SDC2: variants seen among roughly 807,000 people sequenced by gnomAD.
SDC2 encodes the protein syndecan-2.
Under a neutral mutation model 22.2 loss-of-function variants are expected in SDC2, and 13 were observed. That is an observed-to-expected ratio of 0.59 (90% CI 0.38 to 0.93). SDC2 has a LOEUF of 0.93. SDC2 is among the 40% of genes least tolerant of loss of function. The probability of loss-of-function intolerance (pLI) is 0.00; values close to 1 mark genes in which losing one functional copy is unlikely to be tolerated. For missense variants in SDC2, 235 were observed against 246.8 expected, an observed-to-expected ratio of 0.95 and a Z score of 0.32; for synonymous variants, 94 against 92.8, an observed-to-expected ratio of 1.01 and a Z score of -0.07.
intron 1 of SDC2, among the ~76,000 whole-genome samples, chr8:96,533,377 G>C (rs1279626918): frequency 6.6e-6 from 1 of 152,126 alleles, no homozygotes; most frequent in Non-Finnish European, 1.5e-5. Flanking sequence ...GTTTTGACAG[G>C]GTGCTGATTG....
intron 1 of SDC2, among the ~76,000 whole-genome samples, chr8:96,520,417 A>G (rs1813478933): frequency 6.6e-6 from 1 of 152,194 alleles, no homozygotes; most frequent in East Asian, 1.9e-4. Context: ...TGTTTCTTGA[A>G]GTATTGATTG....
chr8:96,570,040 G>A (rs1814366129), intron 1 of SDC2, among the ~76,000 whole-genome samples: 1 of 152,226 alleles, frequency 6.6e-6, no homozygotes, highest in African/African-American at 2.4e-5. Flanking sequence ...CACGCAGGAT[G>A]CTAAGTGCTA....
At chr8:96,502,633 G>C (rs1586267077) in intron 1 of SDC2, among the ~76,000 whole-genome samples, 2 of 152,236 alleles carry the variant, frequency 1.3e-5, no homozygotes, top group East Asian at 3.9e-4. Flanking sequence ...ACTTGAGCCT[G>C]GTCTGAGTAC....
chr8:96,543,175 G>T (rs1270256922), intron 1 of SDC2, among the ~76,000 whole-genome samples: 1 of 152,182 alleles, frequency 6.6e-6, no homozygotes, highest in African/African-American at 2.4e-5. Context: ...CATAGTATAG[G>T]ATCTTTTAGT....
intron 1 of SDC2, chr8:96,537,251 GA>G (rs1366068552): frequency 1.3e-5 from 2 of 152,158 alleles, no homozygotes; most frequent in Non-Finnish European, 2.9e-5. Context: ...TACAGAAAAT[GA>G]AAGATGGCTA....
At position 96,494,216 on chromosome 8, in the gene SDC2, G is replaced by A; in HGVS notation, c.-56G>A. The A allele has an allele frequency of 1.3e-6, 2 of 1,511,644 alleles. No individual in the cohort carries two copies. Among genetic ancestry groups the A allele is most frequent in the Non-Finnish European group, 1.8e-6 (2 of 1,122,642 alleles). The allele number at this position is 1,511,644 out of a possible 1,614,324, so 93.6% of individuals were successfully genotyped here. ...GGCTGCGCCGAGCGCTGGGCAGGAG[G>A]CTTCGTTTTGCCCTGGTTGCAAGCA... On this transcript the variant is annotated 5_prime_UTR_variant, in exon 1 of 5. Transcript: ENST00000302190.
chr8:96,572,439 T>C (rs773937473), intron 1 of SDC2, among the ~76,000 whole-genome samples: 27 of 152,254 alleles, frequency 1.8e-4, no homozygotes, highest in Non-Finnish European at 3.1e-4. Context: ...CCCAGTCAAA[T>C]GGTTCTAGTG....
At chr8:96,511,326 A>C (rs1813323779) in intron 1 of SDC2, among the ~76,000 whole-genome samples, 1 of 152,090 alleles carries the variant, frequency 6.6e-6, no homozygotes, top group African/African-American at 2.4e-5. Context: ...TGCTACCCAA[A>C]ATGAGGGTCC....
Position 96,495,695 on chromosome 8 carries a change from C to T in SDC2, c.60+1364C>T, listed in dbSNP as rs373527928. Among the ~76,000 whole-genome samples the T allele has an allele frequency of 4.6e-5, 7 of 152,042 alleles. No individual in the cohort carries two copies. The East Asian group carries it at 5.8e-4, about 13-fold the overall frequency. Reference sequence around the variant, plus strand: ...CCTCCCCCCCTTTTTTGTGCTGAGGCTAATTTAGGACTGGGAAACCTCTTT... The same window carrying T: ...CCTCCCCCCCTTTTTTGTGCTGAGGTTAATTTAGGACTGGGAAACCTCTTT... On this transcript the variant is annotated intron_variant, in intron 1 of 4. Coordinates refer to ENST00000302190, the MANE Select transcript of SDC2 (RefSeq NM_002998.4).
At chr8:96,500,025 A>T (rs115852183) in intron 1 of SDC2, among the ~76,000 whole-genome samples, 1 of 152,156 alleles carries the variant, frequency 6.6e-6, no homozygotes, top group Non-Finnish European at 1.5e-5. Flanking sequence ...CTGGCCACTG[A>T]AGGCATTATG....
intron 1 of SDC2, among the ~76,000 whole-genome samples, chr8:96,536,441 C>G (rs1259309395): frequency 6.6e-6 from 1 of 152,176 alleles, no homozygotes; most frequent in African/African-American, 2.4e-5. Context: ...CCACCTCAGC[C>G]TCAACAAGTA....
chr8:96,597,005 T>C (rs536630145), intron 2 of SDC2, among the ~76,000 whole-genome samples: 184 of 152,200 alleles, frequency 1.2e-3, no homozygotes, highest in African/African-American at 4.3e-3. Flanking sequence ...GTTTAAGAAA[T>C]AGATCCCCTG....
chr8:96,536,306 C>T (rs918426560), intron 1 of SDC2, among the ~76,000 whole-genome samples: 5 of 151,766 alleles, frequency 3.3e-5, no homozygotes, highest in African/African-American at 1.2e-4. Flanking sequence ...CTTGAGTACC[C>T]TTTTATTTTA....
At chr8:96,575,940 G>T (rs1814480648) in intron 1 of SDC2, among the ~76,000 whole-genome samples, 1 of 152,096 alleles carries the variant, frequency 6.6e-6, no homozygotes, top group Admixed American at 6.6e-5. Context: ...CCCTTATAAA[G>T]ATGCCTCTCT....
chr8:96,516,768 A>G (rs1241383186), intron 1 of SDC2, among the ~76,000 whole-genome samples: 1 of 152,140 alleles, frequency 6.6e-6, no homozygotes, highest in African/African-American at 2.4e-5. Flanking sequence ...ATCTCTCTTT[A>G]TTGCCAAATA....
At chr8:96,530,632 TAAAAC>T (rs763884765) in intron 1 of SDC2, among the ~76,000 whole-genome samples, 64 of 152,314 alleles carry the variant, frequency 4.2e-4, no homozygotes, top group South Asian at 1.0e-3. Flanking sequence ...AAACTCTGTC[TAAAAC>T]AAAACAAAAC....
intron 1 of SDC2, among the ~76,000 whole-genome samples, chr8:96,541,599 A>G (rs1242707926): frequency 6.6e-6 from 1 of 152,190 alleles, no homozygotes; most frequent in African/African-American, 2.4e-5. Flanking sequence ...AGAAACAGAA[A>G]GACAAATATT....
At chr8:96,558,525 G>A (rs1310319527) in intron 1 of SDC2, among the ~76,000 whole-genome samples, 3 of 152,114 alleles carry the variant, frequency 2.0e-5, no homozygotes, top group African/African-American at 7.2e-5. Flanking sequence ...CCTAGTAAGT[G>A]CTTAGAAATA....
rs138768262 is a variant in SDC2, at chr8:96,543,350, A to G, written c.60+49019A>G. Among the ~76,000 whole-genome samples the G allele has an allele frequency of 2.9e-4, 44 of 152,286 alleles. No homozygotes were observed. In the East Asian group the frequency reaches 3.1e-3, roughly 11 times the overall value. ...CCTGTTTTTATTTGCATATGTATTT[A>G]ACTTAGATAATGGTGTAATGGATAT... is the stretch of plus-strand genomic sequence containing the variant. On this transcript the variant is annotated intron_variant, in intron 1 of 4. Transcript: ENST00000302190.
Sources: gnomAD v4.1 joint callset for allele counts (sites outside exome capture counted in the v4.1 genomes callset) on GRCh38, gnomAD v4.1.1 for gene constraint, MANE v1.5 for transcripts, NCBI Gene and HGNC (gene_info 2026-07-23, HGNC 2026-07-21) for gene names.